Variants in BRWD3 observed in about 807,000 individuals in gnomAD.
The protein encoded by BRWD3 is bromodomain and WD repeat-containing protein 3.
BRWD3 carries 10 observed loss-of-function variants against 149.7 expected under a neutral mutation model. The ratio of observed to expected loss-of-function variants is 0.07; its 90% confidence interval spans 0.04 to 0.11. The LOEUF (loss-of-function observed/expected upper bound fraction) is 0.11. Among genes scored for constraint, BRWD3 ranks in the 10% least tolerant of loss-of-function variants. The pLI is 1.00. For missense variants in BRWD3, 940 were observed against 1,373.2 expected, an observed-to-expected ratio of 0.68 and a Z score of 4.99; for synonymous variants, 504 against 456.7, an observed-to-expected ratio of 1.10 and a Z score of -1.32.
intron 6 of BRWD3, among the ~76,000 whole-genome samples, chrX:80,790,302 C>T (rs1207191354): frequency 9.1e-6 from 1 of 110,218 alleles, no homozygotes; most frequent in African/African-American, 3.3e-5. Flanking sequence ...GAACTATGAC[C>T]CACAAAGAGA....
rs1311955511 is a variant in BRWD3 at position 80,779,405 on chromosome X, A to G, written c.430+12449T>C. ...TTAGTTTCTATTAAGTAGAGAGGAC[A>G]ATAATAGACTAAGAAAATACTGCCA... On this transcript the variant is annotated intron_variant, in intron 6 of 40. Coordinates refer to ENST00000373275, the MANE Select transcript of BRWD3 (RefSeq NM_153252.5). Among the ~76,000 whole-genome samples, 5 of 111,012 alleles carry G rather than the reference A, an allele frequency of 4.5e-5. No homozygotes were observed. The South Asian group carries it at 1.9e-3, about 42-fold the overall frequency.
Position 80,735,189 on chromosome X carries a change from G to T in BRWD3, c.923C>A (p.Pro308Gln). Residue 308 changes from proline (P) to glutamine (Q), a missense_variant, in exon 10 of 41, where the codon CCG becomes CAG. By Grantham distance (76) the Pro-to-Gln change is moderately conservative (BLOSUM62 -1). Transcript: ENST00000373275. ...HVKTMKFRDR[P>Q]VKFTERSRPG... ...TCTGGATCTCTCAGTAAATTTCACC[G>T]GGCGATCTCTAAAGATAAAAATAAG... 1 of 1,205,057 alleles carries T rather than the reference G, an allele frequency of 8.3e-7. No homozygotes were observed. Among genetic ancestry groups the T allele is most frequent in the Non-Finnish European group, 1.1e-6 (1 of 890,001 alleles).
chrX:80,727,615 A>T (rs752276969), intron 14 of BRWD3, among the ~76,000 whole-genome samples: 3 of 111,616 alleles, frequency 2.7e-5, no homozygotes, highest in Non-Finnish European at 3.8e-5. Context: ...ATAAAATATC[A>T]GATAGTGATA....
At chrX:80,716,382 C>T in intron 19 of BRWD3, 132 bp from the exon 20 acceptor site, 3 of 508,461 alleles carry the variant, frequency 5.9e-6, no homozygotes, top group Non-Finnish European at 6.6e-6. Context: ...AATTCAGTGG[C>T]ATCAATTACA....
chrX:80,720,805 T>C (rs1406169637), intron 17 of BRWD3, among the ~76,000 whole-genome samples: 3 of 111,873 alleles, frequency 2.7e-5, no homozygotes, highest in Non-Finnish European at 5.6e-5. Flanking sequence ...TATACAGTCA[T>C]ACCATTCTTA....
Position 80,717,620 on chromosome X carries a change from C to A in BRWD3, c.2184G>T (p.Ala728=), listed in dbSNP as rs369118921. ...CATTGACCACCACTCTTCTGCTCCA[C>A]GCCATGAGATCTCTTTCAGTGGCCA... ...SQMATERDLM[A]WSRRVVVNEL... The change falls in exon 19 of 41, where the codon GCG becomes GCT. Residue 728 remains alanine, a synonymous_variant. Transcript: ENST00000373275. 8.3e-7 allele frequency: 1 copy of A among 1,211,660 alleles called. No homozygotes were observed. Among genetic ancestry groups the A allele is most frequent in the African/African-American group, 1.7e-5 (1 of 57,832 alleles).
chrX:80,704,653 C>T (rs1185058486), intron 23 of BRWD3, 25 bp downstream of exon 23: 5 of 1,196,108 alleles, frequency 4.2e-6, no homozygotes, highest in Non-Finnish European at 4.5e-6. Flanking sequence ...ATAACAAAAA[C>T]AAAATAACTT....
intron 29 of BRWD3, 22 bp from the exon 30 acceptor site, chrX:80,692,000 A>AG (rs767477409): frequency 6.0e-6 from 7 of 1,175,375 alleles, no homozygotes; most frequent in African/African-American, 1.8e-5. Flanking sequence ...ATAAAAAAAA[A>AG]AAAATTAGAA....
intron 6 of BRWD3, 66 bp from the exon 7 acceptor site, chrX:80,745,795 A>C: frequency 9.8e-7 from 1 of 1,015,627 alleles, no homozygotes; most frequent in Non-Finnish European, 1.4e-6. Flanking sequence ...TTAAGTCATA[A>C]ATATTAAGAT....
intron 36 of BRWD3, 112 bp from the exon 37 acceptor site, chrX:80,684,274 C>CG (rs2072492606): frequency 2.9e-6 from 2 of 685,005 alleles, no homozygotes; most frequent in Admixed American, 2.9e-5. Flanking sequence ...CATTGCTTTT[C>CG]AATGTGCCAA....
intron 6 of BRWD3, among the ~76,000 whole-genome samples, chrX:80,781,124 T>C (rs1387430673): frequency 8.9e-6 from 1 of 112,125 alleles, no homozygotes; most frequent in Non-Finnish European, 1.9e-5. Flanking sequence ...TACAGGATAT[T>C]GCTATATGCC....
At chrX:80,699,026 C>G (rs1248673876) in intron 25 of BRWD3, among the ~76,000 whole-genome samples, 3 of 109,749 alleles carry the variant, frequency 2.7e-5, no homozygotes, top group African/African-American at 1.0e-4. Context: ...CTAGCCTGGT[C>G]AATGTGGCAA....
At chrX:80,690,999 A>G in intron 31 of BRWD3, 54 bp downstream of exon 31, 1 of 1,167,990 alleles carries the variant, frequency 8.6e-7, no homozygotes, top group Non-Finnish European at 1.2e-6. Flanking sequence ...CAAAAAGGAA[A>G]GCAAAAGCCA....
chrX:80,700,111 T>C, intron 24 of BRWD3, 47 bp from the exon 25 acceptor site: 1 of 923,483 alleles, frequency 1.1e-6, no homozygotes, highest in Non-Finnish European at 1.6e-6. Flanking sequence ...CCTATATAAC[T>C]CTGTATGTCC....
At chrX:80,763,254 T>C (rs4826191) in intron 6 of BRWD3, among the ~76,000 whole-genome samples, 5,829 of 111,505 alleles carry the variant, frequency 0.052, 135 homozygotes, top group Non-Finnish European at 0.076. Flanking sequence ...TATTAAGTGG[T>C]AGTCAAGATT....
intron 18 of BRWD3, among the ~76,000 whole-genome samples, chrX:80,718,244 G>A (rs1000003134): frequency 1.8e-5 from 2 of 111,488 alleles, no homozygotes; most frequent in Non-Finnish European, 3.8e-5. Flanking sequence ...GATGAGCAAC[G>A]AAAGAAAGAA....
intron 6 of BRWD3, among the ~76,000 whole-genome samples, chrX:80,766,853 C>G (rs1163459642): frequency 8.9e-6 from 1 of 112,200 alleles, no homozygotes; most frequent in Non-Finnish European, 1.9e-5. Flanking sequence ...TTTCCCTTTC[C>G]TAGCCAACGG....
intron 28 of BRWD3, 139 bp from the exon 29 acceptor site, chrX:80,692,289 A>T: frequency 3.8e-6 from 2 of 523,609 alleles, no homozygotes; most frequent in Admixed American, 6.3e-5. Flanking sequence ...AACTCCGGTT[A>T]CATACAGATA....
At chrX:80,808,691 G>A in intron 3 of BRWD3, 93 bp from the exon 4 acceptor site, 1 of 719,795 alleles carries the variant, frequency 1.4e-6, no homozygotes, top group East Asian at 4.2e-5. Flanking sequence ...CTGTGTCCCA[G>A]TCCTCAACAC....
Sources: gnomAD v4.1 joint callset for allele counts (sites outside exome capture counted in the v4.1 genomes callset) on GRCh38, gnomAD v4.1.1 for gene constraint, MANE v1.5 for transcripts, NCBI Gene and HGNC (gene_info 2026-07-23, HGNC 2026-07-21) for gene names.